Variants in PLEKHA7 observed in about 807,000 individuals in gnomAD.
The protein encoded by PLEKHA7 is pleckstrin homology domain containing A7, also known as pleckstrin homology domain-containing family A member 7.
A neutral mutation model predicts 170.0 loss-of-function variants in PLEKHA7; 104 were observed. That is an observed-to-expected ratio of 0.61 (90% CI 0.52 to 0.72). PLEKHA7 has a LOEUF of 0.72. PLEKHA7 is among the 30% of genes least tolerant of loss of function. The pLI, the probability that PLEKHA7 is intolerant of heterozygous loss-of-function variation, is 0.00. For synonymous variants in PLEKHA7, 648 were observed against 660.8 expected, an observed-to-expected ratio of 0.98 and a Z score of 0.30; for missense variants, 1,615 against 1,671.7, an observed-to-expected ratio of 0.97 and a Z score of 0.59.
At chr11:16,999,696 A>G (rs1345901508) in intron 3 of PLEKHA7, among the ~76,000 whole-genome samples, 22 of 152,204 alleles carry the variant, frequency 1.4e-4, no homozygotes, top group Admixed American at 1.2e-3. Flanking sequence ...CTGAGCACCT[A>G]TCATGTGCTG....
At chr11:16,920,301 C>G (rs537438304) in intron 3 of PLEKHA7, among the ~76,000 whole-genome samples, 1 of 152,316 alleles carries the variant, frequency 6.6e-6, no homozygotes, top group Admixed American at 6.5e-5. Flanking sequence ...AAATAAAGAG[C>G]TTCACCTGAA....
chr11:16,901,435 T>A (rs1185236287), intron 3 of PLEKHA7, among the ~76,000 whole-genome samples: 1 of 152,244 alleles, frequency 6.6e-6, no homozygotes, highest in Non-Finnish European at 1.5e-5. Flanking sequence ...GGGTTTATCC[T>A]TTCTCCTCTA....
rs1414377247 is a variant in PLEKHA7, at chr11:16,798,717, G to A, written c.2409+2257C>T. Among the ~76,000 whole-genome samples, 18 of 152,212 alleles carry A rather than the reference G, an allele frequency of 1.2e-4. 2 individuals carry two copies. Among genetic ancestry groups the A allele is most frequent in the Admixed American group, 1.2e-3 (18 of 15,288 alleles). On this transcript the variant is annotated intron_variant, in intron 17 of 26. Coordinates refer to ENST00000531066, the MANE Select transcript of PLEKHA7 (RefSeq NM_001329630.2). ...GCTGTGGGTAGGAAGATAAACAGGT[G>A]CAGCCCTTTAGAAGGTGGTTTGGCA...
intron 9 of PLEKHA7, among the ~76,000 whole-genome samples, chr11:16,828,534 A>T (rs956222275): frequency 5.3e-5 from 8 of 152,228 alleles, no homozygotes. Flanking sequence ...AAAAGCAAGC[A>T]TTCTTCTCGC....
intron 3 of PLEKHA7, among the ~76,000 whole-genome samples, chr11:16,987,330 T>C (rs1244772005): frequency 6.7e-6 from 1 of 148,286 alleles, no homozygotes; most frequent in Non-Finnish European, 1.5e-5. Flanking sequence ...AGGCCAACCT[T>C]GGCCTTGACT....
chr11:16,855,969 T>C (rs1853416532), intron 4 of PLEKHA7, 55 bp from the exon 5 acceptor site: 4 of 1,409,936 alleles, frequency 2.8e-6, no homozygotes, highest in Non-Finnish European at 4.0e-6. Context: ...GAGTAGGAAG[T>C]GCAGTAAGAT....
At chr11:17,012,208 T>TCC (rs1211191711) in intron 3 of PLEKHA7, among the ~76,000 whole-genome samples, 1 of 152,150 alleles carries the variant, frequency 6.6e-6, no homozygotes, top group Non-Finnish European at 1.5e-5. Flanking sequence ...CTTAAAACCC[T>TCC]CCAATGACGT....
intron 8 of PLEKHA7, among the ~76,000 whole-genome samples, chr11:16,849,040 T>C (rs1852702535): frequency 6.6e-6 from 1 of 152,200 alleles, no homozygotes; most frequent in South Asian, 2.1e-4. Flanking sequence ...CATTGCCCTT[T>C]CTGGAGAACC....
At chr11:16,835,305 A>C (rs983106791) in intron 9 of PLEKHA7, among the ~76,000 whole-genome samples, 1 of 152,184 alleles carries the variant, frequency 6.6e-6, no homozygotes, top group Admixed American at 6.5e-5. Context: ...GAGGACTCTT[A>C]GCTCTGCTCC....
intron 3 of PLEKHA7, among the ~76,000 whole-genome samples, chr11:17,005,425 A>G (rs1373416109): frequency 6.6e-6 from 1 of 152,162 alleles, no homozygotes; most frequent in African/African-American, 2.4e-5. Context: ...CCAGCTACCC[A>G]GGAGGCTGAG....
rs1204932665 is a variant in PLEKHA7, at chr11:16,782,872, T to G, written c.3675A>C (p.Ser1225=). 6.5e-7 allele frequency: 1 copy of G among 1,536,024 alleles called. No homozygotes were observed. Among genetic ancestry groups the G allele is most frequent in the African/African-American group, 1.4e-5 (1 of 73,048 alleles). ...CAGCCACACTGTTCTGGTCCTGGCC[T>G]GAGGTCGGCTGTAGGTTGCACATGC... is the stretch of plus-strand genomic sequence containing the variant. The part of the protein sequence containing the change: ...RSSMCNLQPT[S]GQDQNSVADL... Residue 1225 remains serine, a synonymous_variant, in exon 26 of 27, where the codon TCA becomes TCC. Coordinates refer to ENST00000531066, the MANE Select transcript of PLEKHA7 (RefSeq NM_001329630.2).
intron 3 of PLEKHA7, among the ~76,000 whole-genome samples, chr11:17,005,908 T>A (rs751696932): frequency 1.8e-4 from 27 of 152,190 alleles, no homozygotes; most frequent in Non-Finnish European, 3.7e-4. Context: ...CTGCCAAAAC[T>A]TGCCAAGCTG....
At chr11:16,780,906 G>A in intron 26 of PLEKHA7, 1 of 822,312 alleles carries the variant, frequency 1.2e-6, no homozygotes, top group African/African-American at 1.8e-5. Flanking sequence ...GGAGGTGCAG[G>A]AAGCAGGCAG....
chr11:16,781,600 A>C (rs1002015323), intron 26 of PLEKHA7, among the ~76,000 whole-genome samples: 1 of 152,214 alleles, frequency 6.6e-6, no homozygotes, highest in Admixed American at 6.5e-5. Context: ...CCCATTCAGC[A>C]TGTGCTCGAA....
intron 13 of PLEKHA7, among the ~76,000 whole-genome samples, chr11:16,808,967 C>A (rs530712042): frequency 6.6e-6 from 1 of 152,266 alleles, no homozygotes; most frequent in African/African-American, 2.4e-5. Context: ...TTCTCTGACA[C>A]CTGGGTTCCT....
At chr11:16,987,271 C>A (rs1354393753) in intron 3 of PLEKHA7, among the ~76,000 whole-genome samples, 1 of 150,748 alleles carries the variant, frequency 6.6e-6, no homozygotes, top group Non-Finnish European at 1.5e-5. Context: ...ACACCCCCCA[C>A]TGACCTGGTG....
chr11:16,921,453 A>C (rs1859085590), intron 3 of PLEKHA7, among the ~76,000 whole-genome samples: 3 of 152,218 alleles, frequency 2.0e-5, no homozygotes, highest in Admixed American at 2.0e-4. Flanking sequence ...CAAAAATAGC[A>C]AACTTATTTT....
intron 3 of PLEKHA7, among the ~76,000 whole-genome samples, chr11:16,934,905 T>C (rs1185949712): frequency 6.6e-6 from 1 of 152,256 alleles, no homozygotes; most frequent in Non-Finnish European, 1.5e-5. Context: ...AGTCTGGTTA[T>C]AATTAGCACC....
At chr11:16,886,503 G>C (rs959768126) in intron 3 of PLEKHA7, among the ~76,000 whole-genome samples, 2 of 152,306 alleles carry the variant, frequency 1.3e-5, no homozygotes, top group East Asian at 3.9e-4. Flanking sequence ...CTGAGGTCAG[G>C]AGTTCAAGAC....
Sources: allele counts gnomAD v4.1 joint callset (sites outside exome capture counted in the v4.1 genomes callset), GRCh38; gene constraint gnomAD v4.1.1; transcripts MANE v1.5; gene names NCBI Gene and HGNC (gene_info 2026-07-23, HGNC 2026-07-21).